The following PARVB variants were observed in gnomAD, a reference collection of about 807,000 sequenced individuals.
PARVB encodes the protein parvin beta.
Under a neutral mutation model 47.0 loss-of-function variants are expected in PARVB, and 46 were observed. That is an observed-to-expected ratio of 0.98 (90% CI 0.77 to 1.25). The LOEUF (loss-of-function observed/expected upper bound fraction) is 1.25, where lower values mean the gene tolerates loss of function less well. Ranked by LOEUF, PARVB falls within the 50% of genes most tolerant of loss-of-function variation. PARVB has a pLI of 0.00. For synonymous variants in PARVB, 196 were observed against 196.3 expected (o/e 1.00, Z 0.01); for missense variants, 473 against 471.6 (o/e 1.00, Z -0.03).
At position 44,068,069 on chromosome 22, in the gene PARVB, T is replaced by C. The variant is rs1346865173; in HGVS notation, c.113-25859T>C. Among the ~76,000 whole-genome samples, 1 of 151,208 alleles carries C rather than the reference T, an allele frequency of 6.6e-6. No homozygotes were observed. The highest frequency in any genetic ancestry group is 2.4e-5 in the African/African-American group (1 of 41,058). ...CTGGAGCACCTGCTGGGTCGGGACA[T>C]GGGCCTCCCGTGGGCCTCACCGCTT... On this transcript the variant is annotated intron_variant, in intron 1 of 12. Transcript: ENST00000338758. This position sits in a 1 kb window ranked among gnomAD's most constrained non-coding sequence, Gnocchi z 4.1.
At chr22:44,061,799 T>C (rs2051425386) in intron 1 of PARVB, among the ~76,000 whole-genome samples, 1 of 151,892 alleles carries the variant, frequency 6.6e-6, no homozygotes, top group Non-Finnish European at 1.5e-5. Flanking sequence ...GTATCTTTAG[T>C]AGAGACGGGG....
At chr22:44,078,640 CT>C (rs1286896075) in intron 1 of PARVB, among the ~76,000 whole-genome samples, 1 of 152,216 alleles carries the variant, frequency 6.6e-6, no homozygotes, top group Non-Finnish European at 1.5e-5. Context: ...TCACAGGTTC[CT>C]GGGACTTGAT....
chr22:44,115,737 A>T (rs1434152870), intron 3 of PARVB: 1 of 91,206 alleles, frequency 1.1e-5, no homozygotes, highest in African/African-American at 6.0e-5. Flanking sequence ...CAACACAGAT[A>T]CATTGTTATT....
At chr22:44,016,133 G>T (rs1282659829) in intron 2 of PARVB, among the ~76,000 whole-genome samples, 3 of 128,410 alleles carry the variant, frequency 2.3e-5, no homozygotes, top group Non-Finnish European at 4.6e-5. Flanking sequence ...GTCTCGCTCT[G>T]TCGCCCAGGC....
rs150503002 is a variant in PARVB, at chr22:44,001,114, G to C, written c.211+1441G>C. Reference sequence around the variant, plus strand: ...AAATACAAAAAATTAGCTGGGCGTGGTGGTGGGCGCCTGTAGTCCCAGCTA... The same window carrying C: ...AAATACAAAAAATTAGCTGGGCGTGCTGGTGGGCGCCTGTAGTCCCAGCTA... On this transcript the variant is annotated intron_variant, in intron 2 of 13. Coordinates refer to the PARVB transcript ENST00000406477. 4.3e-3 allele frequency among the ~76,000 whole-genome samples: 659 copies of C among 152,314 alleles called. 5 individuals carry two copies. Among genetic ancestry groups the C allele is most frequent in the African/African-American group, 0.015 (633 of 41,568 alleles).
intron 1 of PARVB, among the ~76,000 whole-genome samples, chr22:44,062,880 G>A (rs8137708): frequency 0.31 from 47,735 of 151,712 alleles, 8,313 homozygotes; most frequent in East Asian, 0.75. Flanking sequence ...TTTTACGGAG[G>A]CTTCATCATG....
chr22:44,063,231 CTTT>C (rs71188427), intron 1 of PARVB, among the ~76,000 whole-genome samples: 3 of 143,996 alleles, frequency 2.1e-5, no homozygotes, highest in Non-Finnish European at 1.5e-5. Context: ...CTTTTCTTTT[CTTT>C]TTTTTTTTTT....
rs549146607 is a variant in PARVB, at chr22:44,098,898, C to A, written c.203-1155C>A. Among the ~76,000 whole-genome samples the A allele has an allele frequency of 1.9e-3, 287 of 152,194 alleles. 2 individuals carry two copies. The highest frequency in any genetic ancestry group is 6.4e-3 in the African/African-American group (264 of 41,526). On this transcript the variant is annotated intron_variant, in intron 2 of 12. Transcript: ENST00000338758. ...CTATGTAGCCCAGGTTGGTCTGGAA[C>A]TCCTGGGCTCAAGCAATCCTCCCGC... is the stretch of plus-strand genomic sequence containing the variant.
At chr22:44,133,936 T>G (rs1023070388) in intron 6 of PARVB, among the ~76,000 whole-genome samples, 3 of 152,220 alleles carry the variant, frequency 2.0e-5, no homozygotes, top group Non-Finnish European at 4.4e-5. Flanking sequence ...CTCTAAGCAC[T>G]CAGCATAGGC....
intron 1 of PARVB, among the ~76,000 whole-genome samples, chr22:44,028,311 T>G (rs13057162): frequency 0.34 from 44,228 of 130,848 alleles, 6,611 homozygotes; most frequent in Middle Eastern, 0.42. Flanking sequence ...ATCATTTTTT[T>G]GTTTTGTTTT....
At chr22:44,134,163 C>T (rs2053390645) in intron 6 of PARVB, among the ~76,000 whole-genome samples, 1 of 152,162 alleles carries the variant, frequency 6.6e-6, no homozygotes, top group South Asian at 2.1e-4. Flanking sequence ...CCATTCTGGC[C>T]CCTCTGTTAC....
At chr22:44,004,220 G>A (rs567897284) in intron 2 of PARVB, among the ~76,000 whole-genome samples, 1 of 152,342 alleles carries the variant, frequency 6.6e-6, no homozygotes, top group South Asian at 2.1e-4. Context: ...GGGAGCCTGG[G>A]TACCCCCTGC....
chr22:44,098,100 G>A (rs367659177), intron 2 of PARVB, among the ~76,000 whole-genome samples: 36 of 152,332 alleles, frequency 2.4e-4, no homozygotes, highest in African/African-American at 5.5e-4. Flanking sequence ...AGAGCAAGGT[G>A]TGGGGACATG....
At chr22:44,086,339 T>C (rs1328239947) in intron 1 of PARVB, among the ~76,000 whole-genome samples, 5 of 152,234 alleles carry the variant, frequency 3.3e-5, no homozygotes, top group Non-Finnish European at 7.3e-5. Context: ...TTTTCCCATG[T>C]CCGGGCCAGG....
intron 1 of PARVB, among the ~76,000 whole-genome samples, chr22:44,044,378 G>C (rs2146924950): frequency 6.6e-6 from 1 of 152,136 alleles, no homozygotes; most frequent in Middle Eastern, 3.4e-3. Context: ...TTTTAGTAGA[G>C]ACAGGGTTTC....
chr22:44,087,628 A>T (rs574847131), intron 1 of PARVB, among the ~76,000 whole-genome samples: 2 of 151,706 alleles, frequency 1.3e-5, no homozygotes, highest in South Asian at 4.2e-4. Context: ...CAAAAGGGGG[A>T]AAAAAAGCTG....
chr22:44,168,930 T>G lies in PARVB; in HGVS notation c.*252T>G, dbSNP rs2054234540. On this transcript the variant is annotated 3_prime_UTR_variant, in exon 13 of 13. Transcript: ENST00000338758. ...ATGCAGGATTCTAAACACTCGTGCT[T>G]GCGTTTGAAGCCTCGCGTCACTCAG... 2.2e-6 allele frequency: 1 copy of G among 459,560 alleles called. No individual in the cohort carries two copies. The highest frequency in any genetic ancestry group is 3.9e-6 in the Non-Finnish European group (1 of 253,362). 28.5% of individuals were successfully genotyped at this position (459,560 alleles called of 1,614,324 possible).
intron 4 of PARVB, 79 bp downstream of exon 4, chr22:44,119,219 T>C: frequency 2.1e-6 from 2 of 973,252 alleles, no homozygotes; most frequent in Non-Finnish European, 3.3e-6. Flanking sequence ...ATTCTCTGCA[T>C]AGTGACATCG....
At chr22:44,065,842 G>GGTGT (rs3831714) in intron 1 of PARVB, among the ~76,000 whole-genome samples, 15 of 144,826 alleles carry the variant, frequency 1.0e-4, no homozygotes, top group South Asian at 6.5e-4. Context: ...AGTATTCCAT[G>GGTGT]GTGTGTGTGT....
Sources: allele counts gnomAD v4.1 joint callset (sites outside exome capture counted in the v4.1 genomes callset), GRCh38; gene constraint gnomAD v4.1.1; non-coding constraint Gnocchi (gnomAD v3.1); transcripts MANE v1.5; gene names NCBI Gene and HGNC (gene_info 2026-07-23, HGNC 2026-07-21).